ZNF429: variants seen among roughly 807,000 people sequenced by gnomAD.
ZNF429 encodes zinc finger protein 429.
Under a neutral mutation model 56.8 loss-of-function variants are expected in ZNF429, and 53 were observed. That is an observed-to-expected ratio of 0.93 (90% CI 0.75 to 1.17). The LOEUF is 1.17. Ranked by LOEUF, ZNF429 falls within the 50% of genes most tolerant of loss-of-function variation. The probability of loss-of-function intolerance (pLI) is 0.00; values close to 1 mark genes in which losing one functional copy is unlikely to be tolerated. For missense variants in ZNF429, 849 were observed against 788.4 expected (o/e 1.08, Z -0.92); for synonymous variants, 278 against 264.7 (o/e 1.05, Z -0.49).
chr19:21,529,912 T>C, intron 2 of ZNF429, 128 bp downstream of exon 2: 2 of 681,452 alleles, frequency 2.9e-6, no homozygotes, highest in Non-Finnish European at 4.3e-6. Context: ...TAAGAAAAGT[T>C]TGGGGCCGGG....
chr19:21,525,063 T>A (rs1280531644), intron 1 of ZNF429, among the ~76,000 whole-genome samples: 1 of 152,212 alleles, frequency 6.6e-6, no homozygotes, highest in African/African-American at 2.4e-5. Context: ...AATGGTTGAA[T>A]GAAGCATCAT....
At position 21,536,965 on chromosome 19, in the gene ZNF429, GATA is replaced by G; in HGVS notation, c.915_917del (p.Ile306del). ...TATCCTCAACCTTTACTAAACATAA[GATA>G]ATTCATACTGAAGAGAAACCCTACA... On this transcript the variant is annotated inframe_deletion, in exon 4 of 4. Transcript: ENST00000358491. The G allele has an allele frequency of 6.2e-7, 1 of 1,613,588 alleles. No homozygotes were observed. Among genetic ancestry groups the G allele is most frequent in the Non-Finnish European group, 8.5e-7 (1 of 1,179,870 alleles).
chr19:21,516,277 C>T (rs888479358), intron 1 of ZNF429, among the ~76,000 whole-genome samples: 5 of 151,800 alleles, frequency 3.3e-5, no homozygotes, highest in African/African-American at 4.8e-5. Flanking sequence ...TTAGTAGGGA[C>T]GGGGTTTCAC....
At chr19:21,511,996 A>AG (rs1359144308) in intron 1 of ZNF429, among the ~76,000 whole-genome samples, 2 of 152,164 alleles carry the variant, frequency 1.3e-5, no homozygotes, top group African/African-American at 4.8e-5. Flanking sequence ...AGAATCAGGC[A>AG]GGGAGGTTGC....
In ZNF429 at chr19:21,539,587, A is replaced by T. The variant is rs1359090102; in HGVS notation, c.*1509A>T. ...CAGGCATACACCAGCATGTCTGGCT[A>T]TTTTTTTTTTTTTTTGTATTTTTAG... On this transcript the variant is annotated 3_prime_UTR_variant, in exon 4 of 4. Coordinates refer to ENST00000358491, the MANE Select transcript of ZNF429 (RefSeq NM_001001415.4). Among the ~76,000 whole-genome samples the T allele has an allele frequency of 4.4e-4, 60 of 136,702 alleles. No homozygotes were observed. Among genetic ancestry groups the T allele is most frequent in the Middle Eastern group, 3.9e-3 (1 of 256 alleles). The allele number at this position is 136,702 out of a possible 152,430, so 89.7% of individuals were successfully genotyped here.
In ZNF429 at chr19:21,538,367, C is replaced by A. The variant is rs976394804; in HGVS notation, c.*289C>A. On this transcript the variant is annotated 3_prime_UTR_variant, in exon 4 of 4. Transcript: ENST00000358491. ...CTGTAATCCCAGCACTTTGGGAGGCCGAGGCGGGTGGATCACGAGGTCAGG... is the reference window on the plus strand; with the variant it reads ...CTGTAATCCCAGCACTTTGGGAGGCAGAGGCGGGTGGATCACGAGGTCAGG... 5.5e-5 allele frequency among the ~76,000 whole-genome samples: 8 copies of A among 146,786 alleles called. No individual in the cohort carries two copies. Among genetic ancestry groups the A allele is most frequent in the South Asian group, 2.2e-4 (1 of 4,484 alleles).
intron 2 of ZNF429, 132 bp from the exon 3 acceptor site, chr19:21,530,457 T>G: frequency 1.9e-6 from 1 of 514,522 alleles, no homozygotes. Flanking sequence ...ATTTAGAAAT[T>G]TCTCTTATAA....
intron 1 of ZNF429, among the ~76,000 whole-genome samples, chr19:21,527,653 A>G (rs1168003684): frequency 6.6e-6 from 1 of 152,138 alleles, no homozygotes; most frequent in Non-Finnish European, 1.5e-5. Flanking sequence ...GTCTCCATGG[A>G]ACAGTGCATT....
Position 21,530,006 on chromosome 19 carries a change from A to G in ZNF429, c.130+222A>G. On this transcript the variant is annotated intron_variant, in intron 2 of 3. Transcript: ENST00000358491. ...AGGTCAGGAGACCATCCTGGCTAAC[A>G]CGGTGAAACCCCGTCTCTACTAAAA... 2.0e-5 allele frequency among the ~76,000 whole-genome samples: 3 copies of G among 152,158 alleles called. No homozygotes were observed. In the South Asian group the frequency reaches 6.2e-4, roughly 32 times the overall value.
At chr19:21,517,943 G>A (rs764256149) in intron 1 of ZNF429, among the ~76,000 whole-genome samples, 7 of 151,592 alleles carry the variant, frequency 4.6e-5, no homozygotes, top group Non-Finnish European at 5.9e-5. Context: ...ACGGGCACCC[G>A]CCACCATGCC....
At chr19:21,511,090 G>A (rs1217114424) in intron 1 of ZNF429, among the ~76,000 whole-genome samples, 6 of 152,220 alleles carry the variant, frequency 3.9e-5, no homozygotes, top group Non-Finnish European at 7.3e-5. Flanking sequence ...TCAATGAGCT[G>A]TTGGGTACAC....
intron 1 of ZNF429, among the ~76,000 whole-genome samples, chr19:21,519,866 ATT>A (rs33916077): frequency 6.9e-6 from 1 of 145,062 alleles, no homozygotes. Context: ...GCACCCATGA[ATT>A]TTTTTTTTTT....
chr19:21,538,134 C>G lies in ZNF429; in HGVS notation c.*56C>G, dbSNP rs1185735523. 16 of 726,782 alleles carry G rather than the reference C, an allele frequency of 2.2e-5. No individual in the cohort carries two copies. In the African/African-American group the frequency reaches 2.7e-4, roughly 12 times the overall value. 45.0% of individuals were successfully genotyped at this position (726,782 alleles called of 1,614,324 possible). On this transcript the variant is annotated 3_prime_UTR_variant, in exon 4 of 4. Transcript: ENST00000358491. ...CAAAAAAAAAAAAAAAAAAAATTAG[C>G]CAGGCGTGGTGGTGGGCACTTGTAG...
intron 1 of ZNF429, among the ~76,000 whole-genome samples, chr19:21,515,422 AC>A (rs2032695034): frequency 6.6e-6 from 1 of 151,716 alleles, no homozygotes; most frequent in East Asian, 1.9e-4. Context: ...TTTTTTGCCT[AC>A]TTTTTAATAA....
chr19:21,515,746 C>A (rs2032708941), intron 1 of ZNF429, among the ~76,000 whole-genome samples: 2 of 152,136 alleles, frequency 1.3e-5, no homozygotes, highest in Non-Finnish European at 2.9e-5. Context: ...TTTACTTAAT[C>A]TTGAGTATAT....
chr19:21,510,896 G>A (rs1221542610), intron 1 of ZNF429, among the ~76,000 whole-genome samples: 1 of 151,964 alleles, frequency 6.6e-6, no homozygotes, highest in African/African-American at 2.4e-5. Flanking sequence ...CAGGGTTGGG[G>A]GTAAGGTCAT....
intron 1 of ZNF429, among the ~76,000 whole-genome samples, chr19:21,524,941 A>C (rs959841148): frequency 6.6e-6 from 1 of 152,184 alleles, no homozygotes; most frequent in Non-Finnish European, 1.5e-5. Context: ...GGAGGTCTGG[A>C]GACTCAAAGC....
intron 1 of ZNF429, among the ~76,000 whole-genome samples, chr19:21,519,942 A>G (rs2032928677): frequency 6.6e-6 from 1 of 151,008 alleles, no homozygotes; most frequent in Non-Finnish European, 1.5e-5. Context: ...GCTCACTGCA[A>G]CCTCCTGGGT....
At chr19:21,531,784 T>A in intron 3 of ZNF429, among the ~76,000 whole-genome samples, 2 of 148,924 alleles carry the variant, frequency 1.3e-5, no homozygotes, top group Admixed American at 6.7e-5. Context: ...CCAGCCTGGG[T>A]GATGGAGTGA....
Sources: allele counts gnomAD v4.1 joint callset (sites outside exome capture counted in the v4.1 genomes callset), GRCh38; gene constraint gnomAD v4.1.1; transcripts MANE v1.5; gene names NCBI Gene and HGNC (gene_info 2026-07-23, HGNC 2026-07-21).